Variants in AUTS2 observed in about 807,000 individuals in gnomAD.
AUTS2 encodes activator of transcription and developmental regulator AUTS2, also known as autism susceptibility gene 2 protein.
AUTS2 carries 17 observed loss-of-function variants against 112.4 expected under a neutral mutation model. The ratio of observed to expected loss-of-function variants is 0.15; its 90% CI spans 0.10 to 0.23. The LOEUF (loss-of-function observed/expected upper bound fraction) is 0.23. Among genes scored for constraint, AUTS2 ranks in the 10% least tolerant of loss-of-function variants. The pLI is 1.00. For synonymous variants in AUTS2, 751 were observed against 702.7 expected, an observed-to-expected ratio of 1.07 and a Z score of -1.09; for missense variants, 1,510 against 1,701.6, an observed-to-expected ratio of 0.89 and a Z score of 1.98.
At chr7:70,786,066 G>A in intron 17 of AUTS2, 28 bp downstream of exon 17, 1 of 1,594,964 alleles carries the variant, frequency 6.3e-7, no homozygotes, top group Non-Finnish European at 8.6e-7. Flanking sequence ...TTAAAAATCT[G>A]CCTTGGACTT....
At chr7:70,312,901 G>GA (rs1291300506) in intron 4 of AUTS2, among the ~76,000 whole-genome samples, 4 of 152,146 alleles carry the variant, frequency 2.6e-5, no homozygotes, top group Non-Finnish European at 5.9e-5. Context: ...TGTAGGACTA[G>GA]AAAAAATAGA....
At chr7:69,676,337 AC>A (rs1295845918) in intron 1 of AUTS2, among the ~76,000 whole-genome samples, 2 of 152,100 alleles carry the variant, frequency 1.3e-5, no homozygotes, top group Non-Finnish European at 1.5e-5. Context: ...CTCTGAACAA[AC>A]CTTTTCTCTC....
At chr7:70,067,310 A>G (rs906053633) in intron 2 of AUTS2, among the ~76,000 whole-genome samples, 5 of 152,224 alleles carry the variant, frequency 3.3e-5, no homozygotes, top group East Asian at 1.9e-4. Flanking sequence ...AGAATGCAGT[A>G]TACATAATAG....
chr7:70,727,667 C>A (rs10282512), intron 6 of AUTS2, among the ~76,000 whole-genome samples: 1 of 152,022 alleles, frequency 6.6e-6, no homozygotes, highest in African/African-American at 2.4e-5. Context: ...TTAAAACTTA[C>A]GTTTCAGAGG....
chr7:70,750,950 G>C (rs138201888), intron 6 of AUTS2, among the ~76,000 whole-genome samples: 51 of 146,056 alleles, frequency 3.5e-4, no homozygotes, highest in African/African-American at 1.3e-3. Flanking sequence ...GTTTACCCTA[G>C]ACCCACCCAT....
chr7:70,069,620 C>T (rs966646814), intron 2 of AUTS2, among the ~76,000 whole-genome samples: 1 of 151,876 alleles, frequency 6.6e-6, no homozygotes, highest in Non-Finnish European at 1.5e-5. Flanking sequence ...TCAATTATTC[C>T]TCTCAATAGG....
At chr7:70,567,851 G>A (rs1801770061) in intron 5 of AUTS2, among the ~76,000 whole-genome samples, 1 of 152,154 alleles carries the variant, frequency 6.6e-6, no homozygotes, top group Non-Finnish European at 1.5e-5. Context: ...AGGTAAAGCT[G>A]TTTTTTAATG....
chr7:70,630,695 T>G (rs1395732977), intron 5 of AUTS2, among the ~76,000 whole-genome samples: 1 of 152,260 alleles, frequency 6.6e-6, no homozygotes, highest in Non-Finnish European at 1.5e-5. Flanking sequence ...CGGAACTAGC[T>G]GAGCTGAAGC....
intron 5 of AUTS2, among the ~76,000 whole-genome samples, chr7:70,653,936 A>G (rs1017574167): frequency 2.6e-5 from 4 of 152,174 alleles, no homozygotes; most frequent in Non-Finnish European, 4.4e-5. Flanking sequence ...CCCTTCAGTA[A>G]TATTCTTTAA....
At chr7:70,083,810 G>T (rs1803443085) in intron 2 of AUTS2, among the ~76,000 whole-genome samples, 1 of 152,156 alleles carries the variant, frequency 6.6e-6, no homozygotes, top group South Asian at 2.1e-4. Flanking sequence ...AGCTGGGTAT[G>T]TTGGTTCGTA....
chr7:70,775,081 G>A, intron 12 of AUTS2: 1 of 477,638 alleles, frequency 2.1e-6, no homozygotes, highest in African/African-American at 2.0e-5. Flanking sequence ...GGTGTGTGAT[G>A]TGAGCAAATC....
intron 6 of AUTS2, among the ~76,000 whole-genome samples, chr7:70,744,477 G>A (rs1788315281): frequency 6.6e-6 from 1 of 152,094 alleles, no homozygotes. Flanking sequence ...TTCTGCTTTA[G>A]TCAGGACTAA....
At chr7:69,950,149 A>G (rs1363096559) in intron 2 of AUTS2, among the ~76,000 whole-genome samples, 5 of 152,134 alleles carry the variant, frequency 3.3e-5, no homozygotes, top group African/African-American at 4.8e-5. Flanking sequence ...TTATATTGCC[A>G]TACTGGACAA....
intron 2 of AUTS2, among the ~76,000 whole-genome samples, chr7:69,965,278 A>G (rs1437891181): frequency 1.3e-5 from 2 of 152,070 alleles, no homozygotes; most frequent in African/African-American, 4.8e-5. Context: ...CTTTACATGC[A>G]TTGTCTCATC....
At chr7:70,065,972 A>T (rs1802471827) in intron 2 of AUTS2, among the ~76,000 whole-genome samples, 1 of 152,124 alleles carries the variant, frequency 6.6e-6, no homozygotes, top group Non-Finnish European at 1.5e-5. Flanking sequence ...CCTCCTTCTC[A>T]GGTAGCTGGT....
chr7:70,536,761 G>A (rs1209708355), intron 5 of AUTS2, among the ~76,000 whole-genome samples: 5 of 151,898 alleles, frequency 3.3e-5, no homozygotes, highest in East Asian at 1.9e-4. Context: ...TTAGCCGGGC[G>A]AGTTGGCGCA....
At chr7:70,115,120 C>G (rs146171674) in intron 2 of AUTS2, among the ~76,000 whole-genome samples, 1 of 152,216 alleles carries the variant, frequency 6.6e-6, no homozygotes, top group East Asian at 1.9e-4. Context: ...TAGCCTAGAT[C>G]AACATTTAGT....
chr7:70,106,236 G>A (rs1445366526), intron 2 of AUTS2, among the ~76,000 whole-genome samples: 1 of 152,166 alleles, frequency 6.6e-6, no homozygotes, highest in Non-Finnish European at 1.5e-5. Context: ...TTCCTCAGAG[G>A]CCAGGCTCAT....
At chr7:70,775,112 G>C (rs1769310200) in intron 12 of AUTS2, 1 of 532,120 alleles carries the variant, frequency 1.9e-6, no homozygotes, top group East Asian at 3.2e-5. Context: ...AGGGCACATT[G>C]CTATTGATTA....
Sources: allele counts gnomAD v4.1 joint callset (sites outside exome capture counted in the v4.1 genomes callset), GRCh38; gene constraint gnomAD v4.1.1; transcripts MANE v1.5; gene names NCBI Gene and HGNC (gene_info 2026-07-23, HGNC 2026-07-21).